The following TGM6 variants were observed in gnomAD, a reference collection of about 807,000 sequenced individuals.
TGM6 encodes transglutaminase 6, also known as protein-glutamine gamma-glutamyltransferase 6.
Under a neutral mutation model 77.5 loss-of-function variants are expected in TGM6, and 74 were observed. That is an observed-to-expected ratio of 0.96 (90% confidence interval 0.79 to 1.16). The LOEUF is 1.16. Ranked by LOEUF, TGM6 falls within the 50% of genes most tolerant of loss-of-function variation. The probability of loss-of-function intolerance (pLI) is 0.00; values close to 1 mark genes in which losing one functional copy is unlikely to be tolerated. For synonymous variants in TGM6, 383 were observed against 378.9 expected, an observed-to-expected ratio of 1.01 and a Z score of -0.12; for missense variants, 968 against 940.2, an observed-to-expected ratio of 1.03 and a Z score of -0.39.
chr20:2,396,848 G>T (rs1233475214), intron 4 of TGM6, among the ~76,000 whole-genome samples: 12 of 152,172 alleles, frequency 7.9e-5, no homozygotes, highest in Admixed American at 7.8e-4. Context: ...CACAGAACAG[G>T]TCAGTATGGT....
At chr20:2,416,186 A>G (rs1265938654) in intron 9 of TGM6, among the ~76,000 whole-genome samples, 1 of 152,236 alleles carries the variant, frequency 6.6e-6, no homozygotes, top group Non-Finnish European at 1.5e-5. Flanking sequence ...CCCCATAGGC[A>G]GTATGCCCAG....
rs569036301 is a variant in TGM6 at position 2,393,413 on chromosome 20, G to A, written c.8-1039G>A. Among the ~76,000 whole-genome samples the A allele has an allele frequency of 1.8e-4, 27 of 152,274 alleles. 1 individual carries two copies. The South Asian group carries it at 5.6e-3, about 32-fold the overall frequency. On this transcript the variant is annotated intron_variant, in intron 1 of 12. Transcript: ENST00000202625. ...ACTGAAGTGCTGTCTCATGTTCCTAGGAGCAGGAAAGCTGCGACACGCCTT... is the reference window on the plus strand; with the variant it reads ...ACTGAAGTGCTGTCTCATGTTCCTAAGAGCAGGAAAGCTGCGACACGCCTT...
chr20:2,397,829 TG>T (rs2084679050), intron 4 of TGM6, 88 bp from the exon 5 acceptor site: 2 of 1,610,190 alleles, frequency 1.2e-6, no homozygotes, highest in East Asian at 4.5e-5. Context: ...CCTGCACAGA[TG>T]GGGTGACTGA....
chr20:2,417,247 G>C lies in TGM6; in HGVS notation c.1352G>C (p.Arg451Thr), dbSNP rs1265293202. Residue 451 changes from arginine (R) to threonine (T), a missense_variant, in exon 10 of 13, where the codon AGG becomes ACG. By Grantham distance (71) the Arg-to-Thr change is moderately conservative. Coordinates refer to ENST00000202625, the MANE Select transcript of TGM6 (RefSeq NM_198994.3). ...YKYPEGSRKERQVYSKAVNRL... is the reference protein window; with the variant it reads ...YKYPEGSRKETQVYSKAVNRL... ...TGCCCTGCAGGGTCCCGGAAAGAGA[G>C]GCAGGTGTACAGCAAGGCGGTGAAC... The C allele has an allele frequency of 1.9e-6, 3 of 1,604,416 alleles. No individual in the cohort carries two copies. The highest frequency in any genetic ancestry group is 2.6e-6 in the Non-Finnish European group (3 of 1,175,990).
intron 1 of TGM6, among the ~76,000 whole-genome samples, chr20:2,391,508 G>C (rs2084629601): frequency 6.6e-6 from 1 of 151,978 alleles, no homozygotes; most frequent in East Asian, 1.9e-4. Flanking sequence ...GAGGGGGTGG[G>C]GGGTGAGCTG....
At position 2,431,475 on chromosome 20, in the gene TGM6, T is replaced by A. The variant is rs150070477; in HGVS notation, c.1967+448T>A. The stretch of plus-strand genomic sequence containing the variant: ...TATTTACTTATTCATTGTCAATCAT[T>A]CATTCACTCCTTCATTCTTCCATTC... On this transcript the variant is annotated intron_variant, in intron 12 of 12. Transcript: ENST00000202625. Among the ~76,000 whole-genome samples, 47 of 152,372 alleles carry A rather than the reference T, an allele frequency of 3.1e-4. 1 individual carries two copies. The East Asian group carries it at 7.1e-3, about 23-fold the overall frequency.
chr20:2,381,396 G>T (rs377130062), intron 1 of TGM6, among the ~76,000 whole-genome samples: 1 of 152,130 alleles, frequency 6.6e-6, no homozygotes, highest in Non-Finnish European at 1.5e-5. Context: ...CTGCATCCTC[G>T]CCTGATTCCC....
rs60388755 is a variant in TGM6, at chr20:2,431,085, CAG to C, written c.1967+64_1967+65del. 0.37 allele frequency: 599,585 copies of C among 1,600,282 alleles called. 117,201 individuals carry two copies. Among genetic ancestry groups the C allele is most frequent in the African/African-American group, 0.62 (45,985 of 74,442 alleles). The stretch of plus-strand genomic sequence containing the variant: ...GGGGCTCTCTTCCTTGTGGATGAGC[CAG>C]AGAGAAGTTGCCAGGGATGGGGGTG... On this transcript the variant is annotated intron_variant, in intron 12 of 12. Coordinates refer to ENST00000202625, the MANE Select transcript of TGM6 (RefSeq NM_198994.3).
At chr20:2,400,769 T>C (rs1279503096) in intron 7 of TGM6, among the ~76,000 whole-genome samples, 1 of 152,140 alleles carries the variant, frequency 6.6e-6, no homozygotes, top group Non-Finnish European at 1.5e-5. Context: ...CAGGTACCTC[T>C]GGATCAGGCT....
chr20:2,397,911 G>C lies in TGM6; in HGVS notation c.544-7G>C, dbSNP rs778490224. 16 of 1,614,002 alleles carry C rather than the reference G, an allele frequency of 9.9e-6. No individual in the cohort carries two copies. In the South Asian group the frequency reaches 1.6e-4, roughly 17 times the overall value. ...CAGCCTCTAAGCACAGCCTCTCTGGGGAGCAGTTTGAGGAGGACATCCTGA... is the reference window on the plus strand; with the variant it reads ...CAGCCTCTAAGCACAGCCTCTCTGGCGAGCAGTTTGAGGAGGACATCCTGA... On this transcript the variant is annotated splice_region_variant and splice_polypyrimidine_tract_variant and intron_variant, in intron 4 of 12. Transcript: ENST00000202625.
intron 1 of TGM6, among the ~76,000 whole-genome samples, chr20:2,391,614 T>G (rs755959232): frequency 3.3e-5 from 5 of 152,006 alleles, no homozygotes; most frequent in Non-Finnish European, 5.9e-5. Flanking sequence ...CAGTGGAGAT[T>G]TGGGAGCAGA....
chr20:2,432,634 T>C lies in TGM6; in HGVS notation c.2112T>C (p.Thr704=). The C allele has an allele frequency of 1.2e-6, 2 of 1,614,150 alleles. No individual in the cohort carries two copies. The highest frequency in any genetic ancestry group is 1.7e-6 in the Non-Finnish European group (2 of 1,180,016). The part of the protein sequence containing the change: ...IKGFVIVHVA[T]AK ...GCTTTGTGATCGTCCATGTGGCCAC[T>C]GCCAAGTGATGGATCATGAGGGACT... Residue 704 remains threonine (T), a synonymous_variant, in exon 13 of 13, where the codon ACT becomes ACC. Transcript: ENST00000202625.
At position 2,417,406 on chromosome 20, in the gene TGM6, C is replaced by T. The variant is rs377351732; in HGVS notation, c.1511C>T (p.Pro504Leu). Residue 504 changes from proline (P) to leucine (L), a missense_variant, in exon 10 of 13, where the codon CCT becomes CTT. By Grantham distance (98) the Pro-to-Leu change is moderately conservative. Transcript: ENST00000202625. ...GCTGGCAAGTTCAAGGTGCTAGAGC[C>T]TCCCATGCTGGGCCACGACCTGAGA... ...SIAGKFKVLE[P>L]PMLGHDLRLA... 6.2e-7 allele frequency: 1 copy of T among 1,613,434 alleles called. No homozygotes were observed. The highest frequency in any genetic ancestry group is 1.3e-5 in the African/African-American group (1 of 74,946).
Position 2,400,366 on chromosome 20 carries a change from C to G in TGM6, c.911C>G (p.Thr304Arg). 6.2e-7 allele frequency: 1 copy of G among 1,614,246 alleles called. No individual in the cohort carries two copies. Among genetic ancestry groups the G allele is most frequent in the Admixed American group, 1.7e-5 (1 of 60,034 alleles). ...VVSNFNSAHD[T>R]DQNLSVDKYV... is the part of the protein sequence containing the mutation. ...TCCAACTTCAACTCAGCCCACGACACAGACCAGAACCTGAGTGTGGACAAA... is the reference window on the plus strand; with the variant it reads ...TCCAACTTCAACTCAGCCCACGACAGAGACCAGAACCTGAGTGTGGACAAA... The change falls in exon 7 of 13, where the codon ACA becomes AGA. Residue 304 changes from threonine (T) to arginine (R), a missense_variant. Thr to Arg is a moderately conservative substitution (Grantham distance 71). Coordinates refer to ENST00000202625, the MANE Select transcript of TGM6 (RefSeq NM_198994.3).
At chr20:2,421,318 G>A (rs886454728) in intron 10 of TGM6, among the ~76,000 whole-genome samples, 1 of 152,172 alleles carries the variant, frequency 6.6e-6, no homozygotes, top group Non-Finnish European at 1.5e-5. Flanking sequence ...ATACCAAGGA[G>A]CACACTTGCT....
chr20:2,421,564 T>C (rs2084856628), intron 10 of TGM6, among the ~76,000 whole-genome samples: 1 of 152,274 alleles, frequency 6.6e-6, no homozygotes, highest in South Asian at 2.1e-4. Flanking sequence ...ATATACTTAT[T>C]TGACATCTCT....
rs183670042 is a variant in TGM6 at position 2,403,447 on chromosome 20, C to T, written c.1040C>T (p.Pro347Leu). ...TGGTTTGCCCGGCAGGACCTAGGCC[C>T]CTCTTACAATGGCTGGCAGGTTCTG... ...ESWFARQDLG[P>L]SYNGWQVLDA... The change falls in exon 8 of 13, where the codon CCC becomes CTC. Residue 347 changes from proline (P) to leucine (L), a missense_variant. Coordinates refer to ENST00000202625, the MANE Select transcript of TGM6 (RefSeq NM_198994.3). 225 of 1,614,134 alleles carry T rather than the reference C, an allele frequency of 1.4e-4. 1 individual carries two copies. The East Asian group carries it at 3.3e-3, about 24-fold the overall frequency.
chr20:2,387,749 A>C (rs904849657), intron 1 of TGM6, among the ~76,000 whole-genome samples: 25 of 152,190 alleles, frequency 1.6e-4, no homozygotes, highest in African/African-American at 6.0e-4. Flanking sequence ...TCAGACAACA[A>C]TCATTCTCCT....
chr20:2,430,714 C>T (rs553151849), intron 11 of TGM6, 114 bp downstream of exon 11: 4 of 1,594,354 alleles, frequency 2.5e-6, no homozygotes, highest in South Asian at 2.2e-5. Flanking sequence ...TTTAGCTCTC[C>T]AGGGTGGGAG....
Sources: allele counts gnomAD v4.1 joint callset (sites outside exome capture counted in the v4.1 genomes callset), GRCh38; gene constraint gnomAD v4.1.1; transcripts MANE v1.5; gene names NCBI Gene and HGNC (gene_info 2026-07-23, HGNC 2026-07-21).